Variants in GRK7 observed in about 807,000 individuals in gnomAD.
GRK7 encodes rhodopsin kinase GRK7.
In GRK7, 24 loss-of-function variants were observed where a neutral mutation model predicts 34.1. That is an observed-to-expected ratio of 0.70 (90% CI 0.51 to 0.99). The LOEUF is 0.99. Among genes scored for constraint, GRK7 ranks in the 50% least tolerant of loss-of-function variants. The probability of loss-of-function intolerance (pLI) is 0.00; values close to 1 mark genes in which losing one functional copy is unlikely to be tolerated. For synonymous variants in GRK7, 256 were observed against 279.4 expected (o/e 0.92, Z 0.84); for missense variants, 644 against 707.3 (o/e 0.91, Z 1.02).
the GRK7 span, among the ~76,000 whole-genome samples, chr3:141,751,914 A>T: frequency 6.6e-6 from 1 of 152,218 alleles, no homozygotes; most frequent in Non-Finnish European, 1.5e-5. Flanking sequence ...TTTTCTCAGA[A>T]TTTCAGAATC....
At chr3:141,773,404 T>TA (rs1376601734) in intron 1 of GRK7, among the ~76,000 whole-genome samples, 1 of 152,116 alleles carries the variant, frequency 6.6e-6, no homozygotes, top group African/African-American at 2.4e-5. Context: ...CCCATCTTCT[T>TA]CTACATCGCT....
chr3:141,787,766 G>A (rs1432266690), intron 4 of GRK7, among the ~76,000 whole-genome samples: 2 of 151,976 alleles, frequency 1.3e-5, no homozygotes, highest in Non-Finnish European at 2.9e-5. Flanking sequence ...CCAACACTTT[G>A]GGAAGCCAAG....
chr3:141,812,672 G>C (rs139423133), intron 5 of GRK7, among the ~76,000 whole-genome samples: 1 of 152,180 alleles, frequency 6.6e-6, no homozygotes, highest in East Asian at 1.9e-4. Flanking sequence ...GTTGCAAAAG[G>C]GCTGCAGTCA....
At chr3:141,762,117 G>C, upstream of GRK7, among the ~76,000 whole-genome samples, 1 of 150,702 alleles carries the variant, frequency 6.6e-6, no homozygotes, top group Non-Finnish European at 1.5e-5. Context: ...CTCTCAACTC[G>C]TCAAAGTCAT....
At chr3:141,813,191 T>C (rs543716551) in intron 5 of GRK7, among the ~76,000 whole-genome samples, 1 of 152,370 alleles carries the variant, frequency 6.6e-6, no homozygotes, top group African/African-American at 2.4e-5. Flanking sequence ...AATGGCCCGA[T>C]CTCGGCTCAC....
rs531771091 is a variant in GRK7, at chr3:141,779,352, G to A, written c.612+456G>A. Among the ~76,000 whole-genome samples, 12 of 144,590 alleles carry A rather than the reference G, an allele frequency of 8.3e-5. No individual in the cohort carries two copies. In the South Asian group the frequency reaches 2.0e-3, roughly 24 times the overall value. The allele number at this position is 144,590 out of a possible 152,430, so 94.9% of individuals were successfully genotyped here. On this transcript the variant is annotated intron_variant, in intron 3 of 5. Coordinates refer to ENST00000682958, the MANE Select transcript of GRK7 (RefSeq NM_139209.3). ...AATCACTTGAGCCTGGGAGGTGGAGGTTGCAGTGAGCCAAGATCGTGCCAC... is the reference window on the plus strand; with the variant it reads ...AATCACTTGAGCCTGGGAGGTGGAGATTGCAGTGAGCCAAGATCGTGCCAC...
chr3:141,803,527 A>G (rs973992968), intron 4 of GRK7, among the ~76,000 whole-genome samples: 1 of 152,180 alleles, frequency 6.6e-6, no homozygotes, highest in Non-Finnish European at 1.5e-5. Context: ...CATATCCTTC[A>G]GCAGTCACTT....
the GRK7 span, among the ~76,000 whole-genome samples, chr3:141,752,623 C>A: frequency 6.6e-6 from 1 of 152,120 alleles, no homozygotes; most frequent in Non-Finnish European, 1.5e-5. Flanking sequence ...ATGCATCAAA[C>A]TCTTTTCTAA....
At chr3:141,792,837 A>G (rs1449320095) in intron 4 of GRK7, among the ~76,000 whole-genome samples, 3 of 152,236 alleles carry the variant, frequency 2.0e-5, no homozygotes, top group Non-Finnish European at 4.4e-5. Context: ...AAGCCAAGGT[A>G]GGATTAGAGG....
At chr3:141,799,749 G>A (rs1710931969) in intron 4 of GRK7, among the ~76,000 whole-genome samples, 1 of 152,142 alleles carries the variant, frequency 6.6e-6, no homozygotes, top group African/African-American at 2.4e-5. Context: ...ATCAAATGAG[G>A]AATTCACATA....
chr3:141,750,534 T>C, the GRK7 span, among the ~76,000 whole-genome samples: 7 of 152,194 alleles, frequency 4.6e-5, no homozygotes, highest in African/African-American at 1.7e-4. Context: ...ATTAAATAAA[T>C]GCATTTTAAC....
chr3:141,756,334 G>GGA, the GRK7 span, among the ~76,000 whole-genome samples: 2 of 131,272 alleles, frequency 1.5e-5, no homozygotes, highest in South Asian at 5.4e-4. Context: ...AAAGGTGGGG[G>GGA]GGTGAAAACA....
chr3:141,779,409 CA>C lies in GRK7; in HGVS notation c.612+530del, dbSNP rs10626329. On this transcript the variant is annotated intron_variant, in intron 3 of 5. Transcript: ENST00000682958. ...CCAGCCTGGGTGACAGAGCAAGACT[CA>C]AAAAAAAAAAAAAAAAGAAAGAAAG... Among the ~76,000 whole-genome samples the C allele has an allele frequency of 3.2e-3, 308 of 96,490 alleles. 2 individuals are homozygous for C. The highest frequency in any genetic ancestry group is 9.7e-3 in the African/African-American group (229 of 23,634). 63.3% of individuals were successfully genotyped at this position (96,490 alleles called of 152,430 possible). A position where few individuals can be genotyped will look rare whatever the true frequency, so the allele number is the denominator to read the frequency against.
In GRK7 at chr3:141,778,496, G is replaced by A. The variant is rs988391890; in HGVS notation, c.212G>A (p.Arg71His). 2.4e-5 allele frequency: 38 copies of A among 1,613,118 alleles called. No homozygotes were observed. The highest frequency in any genetic ancestry group is 3.1e-5 in the Non-Finnish European group (37 of 1,179,958). Residue 71 changes from arginine to histidine, a missense_variant, in exon 3 of 6, where the codon CGT becomes CAT. Coordinates refer to ENST00000682958, the MANE Select transcript of GRK7 (RefSeq NM_139209.3). The surrounding 1 kb of genome is among the most constrained non-coding windows in gnomAD (Gnocchi z 4.1). ...EQQPIGRRLF[R>H]DFLATVPTFR... ...CAGCCCATCGGTCGCCGCCTCTTCCGTGACTTCCTAGCCACAGTGCCCACG... is the reference window on the plus strand; with the variant it reads ...CAGCCCATCGGTCGCCGCCTCTTCCATGACTTCCTAGCCACAGTGCCCACG...
chr3:141,797,270 T>C (rs1032559645), intron 4 of GRK7, among the ~76,000 whole-genome samples: 3 of 152,162 alleles, frequency 2.0e-5, no homozygotes, highest in Non-Finnish European at 2.9e-5. Context: ...AAGCGAGCCC[T>C]GAGAAGCCAG....
chr3:141,778,885 G>A lies in GRK7; in HGVS notation c.601G>A (p.Gly201Ser). The A allele has an allele frequency of 6.2e-7, 1 of 1,609,496 alleles. No homozygotes were observed. The highest frequency in any genetic ancestry group is 8.5e-7 in the Non-Finnish European group (1 of 1,178,062). The change falls in exon 3 of 6, where the codon GGT becomes AGT. Residue 201 changes from glycine (G) to serine (S), a missense_variant. Coordinates refer to ENST00000682958, the MANE Select transcript of GRK7 (RefSeq NM_139209.3). This position sits in a 1 kb window ranked among gnomAD's most constrained non-coding sequence, Gnocchi z 4.1. The part of the protein sequence containing the change: ...FTEFRVLGKG[G>S]FGEVCAVQVK... Reference sequence around the variant, plus strand: ...TGAGTTCAGAGTGCTGGGGAAAGGTGGTTTTGGGGAGGTAAGTGTCTCCCA... The same window carrying A: ...TGAGTTCAGAGTGCTGGGGAAAGGTAGTTTTGGGGAGGTAAGTGTCTCCCA...
intron 3 of GRK7, among the ~76,000 whole-genome samples, chr3:141,779,265 C>CT (rs1577914177): frequency 6.6e-6 from 1 of 152,062 alleles, no homozygotes; most frequent in South Asian, 2.1e-4. Flanking sequence ...AGAAAATACT[C>CT]TAACTAGCTG....
the GRK7 span, among the ~76,000 whole-genome samples, chr3:141,755,007 A>G: frequency 1.3e-5 from 2 of 152,224 alleles, no homozygotes; most frequent in African/African-American, 2.4e-5. Context: ...ATAACTACGT[A>G]TGGAAAAAAT....
At chr3:141,804,940 C>T (rs991071296) in intron 4 of GRK7, among the ~76,000 whole-genome samples, 5 of 151,426 alleles carry the variant, frequency 3.3e-5, no homozygotes, top group East Asian at 1.9e-4. Context: ...CACACATACA[C>T]TCACATACAC....
Sources: allele counts gnomAD v4.1 joint callset (sites outside exome capture counted in the v4.1 genomes callset), GRCh38; gene constraint gnomAD v4.1.1; non-coding constraint Gnocchi (gnomAD v3.1); transcripts MANE v1.5; gene names NCBI Gene and HGNC (gene_info 2026-07-23, HGNC 2026-07-21).